The following GPC5 variants were observed in gnomAD, a reference collection of about 807,000 sequenced individuals.
The protein encoded by GPC5 is glypican 5.
Under a neutral mutation model 53.9 loss-of-function variants are expected in GPC5, and 47 were observed. That is an observed-to-expected ratio of 0.87 (90% CI 0.69 to 1.11). The LOEUF (loss-of-function observed/expected upper bound fraction) is 1.11. GPC5 is among the 50% of genes most tolerant of loss of function. The probability of loss-of-function intolerance (pLI) is 0.00; values close to 1 mark genes in which losing one functional copy is unlikely to be tolerated. For synonymous variants in GPC5, 286 were observed against 263.3 expected, an observed-to-expected ratio of 1.09 and a Z score of -0.84; for missense variants, 748 against 713.1, an observed-to-expected ratio of 1.05 and a Z score of -0.56.
intron 7 of GPC5, among the ~76,000 whole-genome samples, chr13:92,347,296 A>G (rs2043421263): frequency 6.6e-6 from 1 of 152,182 alleles, no homozygotes; most frequent in Non-Finnish European, 1.5e-5. Context: ...GCAGCAACAA[A>G]TAAGAAACTC....
intron 7 of GPC5, among the ~76,000 whole-genome samples, chr13:92,302,770 C>T (rs2043084297): frequency 6.6e-6 from 1 of 152,080 alleles, no homozygotes; most frequent in East Asian, 1.9e-4. Context: ...ATCTTGATTC[C>T]CTGGGGAGTT....
chr13:92,493,908 T>G (rs952171039), intron 7 of GPC5, among the ~76,000 whole-genome samples: 8 of 152,368 alleles, frequency 5.3e-5, no homozygotes, highest in Admixed American at 4.6e-4. Flanking sequence ...TGTTATATAC[T>G]ATGAACTTAA....
At chr13:92,538,333 C>T (rs971522998) in intron 7 of GPC5, among the ~76,000 whole-genome samples, 2 of 151,498 alleles carry the variant, frequency 1.3e-5, no homozygotes, top group Non-Finnish European at 2.9e-5. Flanking sequence ...CTTTCTACCT[C>T]CCTCCTTCCT....
chr13:92,054,834 C>T (rs1594745837), intron 6 of GPC5, among the ~76,000 whole-genome samples: 2 of 152,022 alleles, frequency 1.3e-5, no homozygotes, highest in Middle Eastern at 3.4e-3. Context: ...TTGAACTATA[C>T]AAAATCCCCA....
At chr13:92,655,333 T>TTTA (rs1566345324) in intron 7 of GPC5, among the ~76,000 whole-genome samples, 2 of 115,580 alleles carry the variant, frequency 1.7e-5, no homozygotes, top group African/African-American at 3.1e-5. Flanking sequence ...TTATTTATTT[T>TTTA]ATTTTTATTT....
At chr13:92,246,089 T>C (rs2042648697) in intron 7 of GPC5, among the ~76,000 whole-genome samples, 1 of 152,082 alleles carries the variant, frequency 6.6e-6, no homozygotes, top group African/African-American at 2.4e-5. Context: ...TTAAGATGAG[T>C]GTAAGAGACA....
At chr13:91,595,239 G>A (rs186175128) in intron 2 of GPC5, among the ~76,000 whole-genome samples, 5 of 151,898 alleles carry the variant, frequency 3.3e-5, no homozygotes, top group East Asian at 3.9e-4. Flanking sequence ...GGATGGCCTC[G>A]TTCTCTTGGT....
chr13:92,222,365 A>T (rs995353297), intron 7 of GPC5, among the ~76,000 whole-genome samples: 2 of 152,222 alleles, frequency 1.3e-5, no homozygotes, highest in Non-Finnish European at 2.9e-5. Context: ...GAAATTGTTG[A>T]TTAAACACAG....
intron 6 of GPC5, among the ~76,000 whole-genome samples, chr13:92,040,559 G>A (rs1439783632): frequency 2.0e-5 from 3 of 152,192 alleles, no homozygotes; most frequent in Non-Finnish European, 4.4e-5. Flanking sequence ...GAATGAAGGT[G>A]CCCAGTGAGC....
intron 2 of GPC5, among the ~76,000 whole-genome samples, chr13:91,537,275 C>T (rs1289179209): frequency 1.3e-5 from 2 of 151,812 alleles, no homozygotes; most frequent in Non-Finnish European, 2.9e-5. Flanking sequence ...ATTAACAACA[C>T]TGATAAAACT....
chr13:91,481,570 G>C (rs1282796525), intron 2 of GPC5, among the ~76,000 whole-genome samples: 1 of 152,172 alleles, frequency 6.6e-6, no homozygotes, highest in Non-Finnish European at 1.5e-5. Context: ...GGTATGACTA[G>C]AGTCAAATTC....
At chr13:91,863,803 A>G (rs1169725191) in intron 5 of GPC5, among the ~76,000 whole-genome samples, 7 of 152,172 alleles carry the variant, frequency 4.6e-5, no homozygotes, top group Non-Finnish European at 8.8e-5. Context: ...ACACAAACCC[A>G]GCCTGGACTT....
intron 7 of GPC5, among the ~76,000 whole-genome samples, chr13:92,832,361 T>C (rs1878075767): frequency 6.6e-6 from 1 of 152,200 alleles, no homozygotes; most frequent in Non-Finnish European, 1.5e-5. Flanking sequence ...AACTAAAAAC[T>C]AGAACACAAA....
rs1189628261 is a variant in GPC5, at chr13:92,819,452, G to T, written c.1562-46830G>T. ...ACTTTAATTCCCTCATTAATAAAAT[G>T]AAGCTGTTTGCTAACTTCACCAAAC... is the stretch of plus-strand genomic sequence containing the variant. On this transcript the variant is annotated intron_variant, in intron 7 of 7. Transcript: ENST00000377067. 2.0e-5 allele frequency among the ~76,000 whole-genome samples: 3 copies of T among 152,186 alleles called. No homozygotes were observed. The East Asian group carries it at 5.8e-4, about 29-fold the overall frequency.
At chr13:92,047,463 T>G (rs2040992088) in intron 6 of GPC5, among the ~76,000 whole-genome samples, 1 of 151,236 alleles carries the variant, frequency 6.6e-6, no homozygotes, top group African/African-American at 2.4e-5. Flanking sequence ...CTTATTTCTA[T>G]GATCATCCAG....
chr13:92,601,331 G>A (rs986878646), intron 7 of GPC5, among the ~76,000 whole-genome samples: 5 of 151,932 alleles, frequency 3.3e-5, no homozygotes, highest in East Asian at 1.9e-4. Flanking sequence ...GGAGGCAGGC[G>A]GATCACCTGA....
chr13:92,599,253 A>T (rs1290668999), intron 7 of GPC5, among the ~76,000 whole-genome samples: 1 of 152,196 alleles, frequency 6.6e-6, no homozygotes, highest in Non-Finnish European at 1.5e-5. Context: ...GAGTGCAATT[A>T]TTAGGTAAAT....
At chr13:92,790,833 T>C (rs911029915) in intron 7 of GPC5, among the ~76,000 whole-genome samples, 1 of 152,080 alleles carries the variant, frequency 6.6e-6, no homozygotes, top group Non-Finnish European at 1.5e-5. Context: ...TCTCCCTATG[T>C]GGTAAGGCAC....
chr13:92,413,962 C>T (rs749840653), intron 7 of GPC5, among the ~76,000 whole-genome samples: 9 of 152,008 alleles, frequency 5.9e-5, no homozygotes, highest in Non-Finnish European at 1.2e-4. Flanking sequence ...TTTTCATGGT[C>T]CCATTTTTCT....
Sources: gnomAD v4.1 joint callset for allele counts (sites outside exome capture counted in the v4.1 genomes callset) on GRCh38, gnomAD v4.1.1 for gene constraint, MANE v1.5 for transcripts, NCBI Gene and HGNC (gene_info 2026-07-23, HGNC 2026-07-21) for gene names.